PDK1: variants seen among roughly 807,000 people sequenced by gnomAD.
PDK1 encodes the protein [Pyruvate dehydrogenase (acetyl-transferring)] kinase isozyme 1, mitochondrial.
A neutral mutation model predicts 54.2 loss-of-function variants in PDK1; 39 were observed. That is an observed-to-expected ratio of 0.72 (90% CI 0.56 to 0.94). The LOEUF is 0.94. PDK1 is among the 40% of genes least tolerant of loss of function. The probability of loss-of-function intolerance (pLI) is 0.00; values close to 1 mark genes in which losing one functional copy is unlikely to be tolerated. For missense variants in PDK1, 552 were observed against 566.0 expected (o/e 0.98, Z 0.25); for synonymous variants, 221 against 207.1 (o/e 1.07, Z -0.58).
chr2:172,690,388 T>G, the PDK1 span, among the ~76,000 whole-genome samples: 1 of 150,294 alleles, frequency 6.7e-6, no homozygotes, highest in Non-Finnish European at 1.5e-5. Flanking sequence ...TTGGAACACT[T>G]TTACACTGTT....
At chr2:172,660,596 T>C in the PDK1 span, among the ~76,000 whole-genome samples, 1 of 152,062 alleles carries the variant, frequency 6.6e-6, no homozygotes, top group African/African-American at 2.4e-5. Flanking sequence ...TGAATGATAA[T>C]TGTGACCTCC....
At chr2:172,588,266 G>GTAAACGAATAT (rs774037365) in intron 9 of PDK1, among the ~76,000 whole-genome samples, 2 of 152,188 alleles carry the variant, frequency 1.3e-5, no homozygotes, top group African/African-American at 2.4e-5. Flanking sequence ...TGTTTTTGTA[G>GTAAACGAATAT]TAAACGAATA....
the PDK1 span, among the ~76,000 whole-genome samples, chr2:172,718,446 T>C: frequency 3.3e-5 from 5 of 152,218 alleles, no homozygotes; most frequent in Admixed American, 2.6e-4. Flanking sequence ...TGATCAGAGA[T>C]TGATTAGATG....
At chr2:172,708,750 T>C in the PDK1 span, among the ~76,000 whole-genome samples, 1 of 152,214 alleles carries the variant, frequency 6.6e-6, no homozygotes, top group African/African-American at 2.4e-5. Flanking sequence ...ACAAAATTTA[T>C]TTATGTTTCA....
the PDK1 span, among the ~76,000 whole-genome samples, chr2:172,705,335 T>C: frequency 1.3e-5 from 2 of 152,268 alleles, no homozygotes; most frequent in African/African-American, 4.8e-5. Flanking sequence ...TCTTACAGAA[T>C]GATTCCTATA....
Position 172,598,539 on chromosome 2 carries a change from A to G in PDK1, c.*2570A>G, listed in dbSNP as rs1691001368. 6.6e-6 allele frequency: 1 copy of G among 152,246 alleles called. No homozygotes were observed. The highest frequency in any genetic ancestry group is 2.4e-5 in the African/African-American group (1 of 41,478). The allele number at this position is 152,246 out of a possible 1,614,324, so 9.4% of individuals were successfully genotyped here. A position where few individuals can be genotyped will look rare whatever the true frequency, so the allele number is the denominator to read the frequency against. Reference sequence around the variant, plus strand: ...TAGTTATGAAAATATATTGAAGGACAGGAAGTGGACACGAAGTGATTTTTG... The same window carrying G: ...TAGTTATGAAAATATATTGAAGGACGGGAAGTGGACACGAAGTGATTTTTG... On this transcript the variant is annotated 3_prime_UTR_variant, in exon 11 of 11. Transcript: ENST00000282077.
chr2:172,668,793 T>C, the PDK1 span, among the ~76,000 whole-genome samples: 1 of 141,756 alleles, frequency 7.1e-6, no homozygotes, highest in Non-Finnish European at 1.5e-5. Flanking sequence ...CACATATATG[T>C]ATGTGTATAT....
chr2:172,567,044 T>C (rs1363736038), intron 6 of PDK1, 111 bp downstream of exon 6: 1 of 680,680 alleles, frequency 1.5e-6, no homozygotes, highest in East Asian at 2.6e-5. Flanking sequence ...TCGTTGGATA[T>C]GAAGGCTAAA....
At chr2:172,570,691 A>C in intron 7 of PDK1, 35 bp from the exon 8 acceptor site, 1 of 1,228,560 alleles carries the variant, frequency 8.1e-7, no homozygotes, top group Non-Finnish European at 1.2e-6. Flanking sequence ...TTTTCTAAAA[A>C]GCTGTATTTT....
chr2:172,661,425 G>A, the PDK1 span, among the ~76,000 whole-genome samples: 6 of 152,280 alleles, frequency 3.9e-5, no homozygotes, highest in South Asian at 1.2e-3. Flanking sequence ...GTTATTTGGT[G>A]CCCGTCTGGG....
In PDK1 at chr2:172,605,211, G is replaced by A. The variant is rs1043131305; in HGVS notation, c.*9242G>A. 6.6e-6 allele frequency: 1 copy of A among 152,096 alleles called. No homozygotes were observed. The highest frequency in any genetic ancestry group is 2.4e-5 in the African/African-American group (1 of 41,388). 9.4% of individuals were successfully genotyped at this position (152,096 alleles called of 1,614,324 possible). On this transcript the variant is annotated 3_prime_UTR_variant, in exon 11 of 11. Transcript: ENST00000282077. The stretch of plus-strand genomic sequence containing the variant: ...GATCCAGTCAACAGGAGGCACAAGA[G>A]ATAGAACCAAATACCATAATGCCTC...
the PDK1 span, among the ~76,000 whole-genome samples, chr2:172,671,452 G>A: frequency 6.7e-6 from 1 of 148,788 alleles, no homozygotes; most frequent in African/African-American, 2.4e-5. Flanking sequence ...GAATGTATCT[G>A]TAAGTTAATG....
chr2:172,642,763 C>T, the PDK1 span, among the ~76,000 whole-genome samples: 6 of 150,784 alleles, frequency 4.0e-5, no homozygotes, highest in South Asian at 2.1e-4. Flanking sequence ...TTCTCCTCTT[C>T]GTCTTCCTTC....
intron 9 of PDK1, among the ~76,000 whole-genome samples, chr2:172,587,143 G>A (rs766589497): frequency 1.4e-4 from 21 of 152,210 alleles, no homozygotes; most frequent in Non-Finnish European, 2.2e-4. Flanking sequence ...ATAGTTTTGT[G>A]TCCGGAATTG....
rs1486845971 is a variant in PDK1 at position 172,602,153 on chromosome 2, G to A, written c.*6184G>A. 6.6e-6 allele frequency: 1 copy of A among 152,176 alleles called. No individual in the cohort carries two copies. The highest frequency in any genetic ancestry group is 1.5e-5 in the Non-Finnish European group (1 of 68,020). The allele number at this position is 152,176 out of a possible 1,614,324, so 9.4% of individuals were successfully genotyped here. Reference sequence around the variant, plus strand: ...CTACCCAACCCATTTCAGAAAGTTAGTAAAATCTCAAAGCTACACTTGAGC... The same window carrying A: ...CTACCCAACCCATTTCAGAAAGTTAATAAAATCTCAAAGCTACACTTGAGC... On this transcript the variant is annotated 3_prime_UTR_variant, in exon 11 of 11. Coordinates refer to ENST00000282077, the MANE Select transcript of PDK1 (RefSeq NM_002610.5).
the PDK1 span, among the ~76,000 whole-genome samples, chr2:172,673,162 G>A: frequency 6.6e-6 from 1 of 152,184 alleles, no homozygotes; most frequent in African/African-American, 2.4e-5. Flanking sequence ...GATTTTCTAT[G>A]TTGGCATACT....
intron 8 of PDK1, among the ~76,000 whole-genome samples, chr2:172,579,671 AG>A (rs1689786174): frequency 1.3e-5 from 2 of 148,856 alleles, no homozygotes; most frequent in African/African-American, 2.5e-5. Context: ...GACCAGTTTT[AG>A]GTGTCTACTT....
intron 8 of PDK1, among the ~76,000 whole-genome samples, chr2:172,582,857 GC>G (rs1052020530): frequency 6.6e-6 from 1 of 152,156 alleles, no homozygotes; most frequent in African/African-American, 2.4e-5. Context: ...GGCTTAGTTT[GC>G]CCTTTACCTC....
chr2:172,626,074 T>C, the PDK1 span, among the ~76,000 whole-genome samples: 4 of 152,218 alleles, frequency 2.6e-5, no homozygotes, highest in African/African-American at 9.6e-5. Context: ...CATTTTTTTC[T>C]TTCCTTGGCT....
Sources: allele counts gnomAD v4.1 joint callset (sites outside exome capture counted in the v4.1 genomes callset), GRCh38; gene constraint gnomAD v4.1.1; transcripts MANE v1.5; gene names NCBI Gene and HGNC (gene_info 2026-07-23, HGNC 2026-07-21).